The following ADGRL2 variants were observed in gnomAD, a reference collection of about 807,000 sequenced individuals.
The protein encoded by ADGRL2 is adhesion G protein-coupled receptor L2.
ADGRL2 carries 44 observed loss-of-function variants against 157.4 expected under a neutral mutation model. The observed-to-expected ratio is 0.28, with a 90% CI of 0.22 to 0.36. The LOEUF is 0.36. ADGRL2 is among the 10% of genes least tolerant of loss of function. The probability of loss-of-function intolerance (pLI) is 1.00; values close to 1 mark genes in which losing one functional copy is unlikely to be tolerated. For missense variants in ADGRL2, 1,510 were observed against 1,768.9 expected, an observed-to-expected ratio of 0.85 and a Z score of 2.63; for synonymous variants, 585 against 624.7, an observed-to-expected ratio of 0.94 and a Z score of 0.95.
intron 2 of ADGRL2, among the ~76,000 whole-genome samples, chr1:81,490,477 T>C (rs776144314): frequency 5.7e-4 from 87 of 152,048 alleles, no homozygotes; most frequent in Admixed American, 2.2e-3. Context: ...AGCAGCCTAA[T>C]AGAAAAATGG....
chr1:81,852,681 CA>C lies in ADGRL2; in HGVS notation c.73+15625del, dbSNP rs1176701272. ...ATTTGCAAGTGTATATCTGATGTGC[CA>C]TGCTGCCTCTAGCTGTGTGTCTCGC... is the stretch of plus-strand genomic sequence containing the variant. On this transcript the variant is annotated intron_variant, in intron 2 of 23. Coordinates refer to ENST00000686636, the MANE Select transcript of ADGRL2 (RefSeq NM_001366006.2). Among the ~76,000 whole-genome samples the C allele has an allele frequency of 3.3e-5, 5 of 152,000 alleles. No individual in the cohort carries two copies. The East Asian group carries it at 9.7e-4, about 29-fold the overall frequency.
chr1:81,909,694 C>A (rs1235325982), intron 3 of ADGRL2, among the ~76,000 whole-genome samples: 1 of 151,112 alleles, frequency 6.6e-6, no homozygotes, highest in Non-Finnish European at 1.5e-5. Context: ...TGATTAGGTT[C>A]TATTCTTTCT....
At chr1:81,644,972 T>C (rs769272522) in intron 3 of ADGRL2, among the ~76,000 whole-genome samples, 5 of 152,238 alleles carry the variant, frequency 3.3e-5, no homozygotes, top group Non-Finnish European at 2.9e-5. Context: ...TTACCATATA[T>C]GATGTAGTCC....
chr1:81,418,342 T>C (rs1454932333), intron 1 of ADGRL2, among the ~76,000 whole-genome samples: 2 of 152,272 alleles, frequency 1.3e-5, no homozygotes, highest in East Asian at 3.8e-4. Flanking sequence ...CCCTCCACTT[T>C]TCTGTGGTGG....
intron 3 of ADGRL2, among the ~76,000 whole-genome samples, chr1:81,932,981 T>A (rs2095256397): frequency 6.6e-6 from 1 of 152,090 alleles, no homozygotes. Flanking sequence ...GGATTACAGG[T>A]GTGAGCCACC....
intron 2 of ADGRL2, among the ~76,000 whole-genome samples, chr1:81,787,333 A>G (rs757167100): frequency 6.6e-6 from 1 of 152,156 alleles, no homozygotes; most frequent in African/African-American, 2.4e-5. Flanking sequence ...CTGTCAAGGC[A>G]CCTTTCATGT....
chr1:81,541,492 A>G (rs2079882361), intron 2 of ADGRL2, among the ~76,000 whole-genome samples: 1 of 152,094 alleles, frequency 6.6e-6, no homozygotes, highest in Non-Finnish European at 1.5e-5. Context: ...CTTTTCACAC[A>G]CCCACATTGG....
chr1:81,849,951 C>T (rs2150480937), intron 2 of ADGRL2, among the ~76,000 whole-genome samples: 1 of 151,952 alleles, frequency 6.6e-6, no homozygotes, highest in Middle Eastern at 3.4e-3. Context: ...ATCAGAGGCT[C>T]ATTTATGGAT....
chr1:81,574,499 A>C (rs998729341), intron 2 of ADGRL2, among the ~76,000 whole-genome samples: 2 of 152,162 alleles, frequency 1.3e-5, no homozygotes, highest in Admixed American at 1.3e-4. Flanking sequence ...AGCCCAGTAC[A>C]ATATGCTTCC....
At chr1:81,509,731 A>G (rs1304696346) in intron 2 of ADGRL2, among the ~76,000 whole-genome samples, 1 of 152,208 alleles carries the variant, frequency 6.6e-6, no homozygotes, top group East Asian at 1.9e-4. Flanking sequence ...AACAACTGGC[A>G]TGAAGCTGAA....
intron 2 of ADGRL2, among the ~76,000 whole-genome samples, chr1:81,522,792 G>C (rs74422919): frequency 6.6e-6 from 1 of 151,970 alleles, no homozygotes; most frequent in African/African-American, 2.4e-5. Flanking sequence ...TAATTTTTGC[G>C]TGCTTGATTG....
At position 81,423,991 on chromosome 1, in the gene ADGRL2, A is replaced by G. The variant is rs538822961; in HGVS notation, c.-301-21045A>G. ...TCTATATAGTTGGTTGTTCTTATCT[A>G]TAATAGTTAAGAAGCTACAAATGAC... On this transcript the variant is annotated intron_variant, in intron 1 of 24. Transcript: ENST00000370721. Among the ~76,000 whole-genome samples the G allele has an allele frequency of 2.0e-5, 3 of 152,374 alleles. No homozygotes were observed. The South Asian group carries it at 6.2e-4, about 32-fold the overall frequency.
At chr1:81,336,918 G>A (rs1007803889) in intron 1 of ADGRL2, among the ~76,000 whole-genome samples, 28 of 151,794 alleles carry the variant, frequency 1.8e-4, no homozygotes, top group Non-Finnish European at 3.2e-4. Context: ...CACTGGCAGA[G>A]GAGCAGCAGA....
At chr1:81,625,782 A>G (rs1050453768) in intron 3 of ADGRL2, 6 of 152,232 alleles carry the variant, frequency 3.9e-5, no homozygotes, top group African/African-American at 1.4e-4. Context: ...GCCAACATCA[A>G]ATAGTCTACA....
At chr1:81,860,106 C>T (rs1282517164) in intron 2 of ADGRL2, among the ~76,000 whole-genome samples, 1 of 151,996 alleles carries the variant, frequency 6.6e-6, no homozygotes, top group African/African-American at 2.4e-5. Flanking sequence ...TGCTTGTAAT[C>T]CCAGCTACTC....
At chr1:81,336,584 C>T (rs774319064) in intron 1 of ADGRL2, among the ~76,000 whole-genome samples, 18 of 152,248 alleles carry the variant, frequency 1.2e-4, no homozygotes, top group Middle Eastern at 3.4e-3. Flanking sequence ...ATATGTATGG[C>T]TGTCAGTGCA....
chr1:81,515,334 G>A (rs767983768), intron 2 of ADGRL2: 1 of 151,392 alleles, frequency 6.6e-6, no homozygotes, highest in Admixed American at 6.6e-5. Context: ...ATGTCCCTTT[G>A]TTCAAGGCTA....
At chr1:81,913,833 C>G (rs150367798) in intron 3 of ADGRL2, among the ~76,000 whole-genome samples, 2 of 152,234 alleles carry the variant, frequency 1.3e-5, no homozygotes, top group Non-Finnish European at 2.9e-5. Context: ...TACCTAGAAC[C>G]TCATTCATTT....
At chr1:81,910,310 A>G (rs2094690448) in intron 3 of ADGRL2, among the ~76,000 whole-genome samples, 2 of 151,164 alleles carry the variant, frequency 1.3e-5, no homozygotes, top group African/African-American at 4.9e-5. Context: ...AATATAAAGT[A>G]TACGTATGTC....
Sources: gnomAD v4.1 joint callset for allele counts (sites outside exome capture counted in the v4.1 genomes callset) on GRCh38, gnomAD v4.1.1 for gene constraint, MANE v1.5 for transcripts, NCBI Gene and HGNC (gene_info 2026-07-23, HGNC 2026-07-21) for gene names.